The following LARS1 variants were observed in gnomAD, a reference collection of about 807,000 sequenced individuals.
LARS1 encodes leucyl-tRNA synthetase 1.
In LARS1, 100 loss-of-function variants were observed where a neutral mutation model predicts 162.8. The observed-to-expected ratio is 0.61, with a 90% CI of 0.52 to 0.73. LARS1 has a LOEUF of 0.73. LARS1 is among the 30% of genes least tolerant of loss of function. The probability of loss-of-function intolerance (pLI) is 0.00; values close to 1 mark genes in which losing one functional copy is unlikely to be tolerated. For synonymous variants in LARS1, 457 were observed against 462.8 expected (o/e 0.99, Z 0.16); for missense variants, 1,258 against 1,408.9 (o/e 0.89, Z 1.71).
At chr5:146,175,194 G>T (rs1329213027) in intron 2 of LARS1, among the ~76,000 whole-genome samples, 2 of 151,728 alleles carry the variant, frequency 1.3e-5, no homozygotes, top group Non-Finnish European at 2.9e-5. Flanking sequence ...ACTCCAGCCT[G>T]GGTGACAGAG....
intron 5 of LARS1, among the ~76,000 whole-genome samples, chr5:146,167,308 T>C (rs1261965187): frequency 1.3e-5 from 2 of 152,226 alleles, no homozygotes; most frequent in African/African-American, 4.8e-5. Flanking sequence ...ATCATAGTTA[T>C]ATAAGATTTA....
intron 21 of LARS1, among the ~76,000 whole-genome samples, chr5:146,137,196 T>A (rs1752551570): frequency 1.3e-5 from 2 of 152,110 alleles, no homozygotes; most frequent in Admixed American, 1.3e-4. Context: ...CCGCGCCCAG[T>A]CCCCTACAAC....
chr5:146,157,891 G>A, intron 8 of LARS1, 96 bp from the exon 9 acceptor site: 1 of 1,211,502 alleles, frequency 8.3e-7, no homozygotes, highest in South Asian at 1.3e-5. Context: ...TCCCTAAAAT[G>A]GGTTCTTGCA....
chr5:146,157,649 T>A (rs1297486455), intron 9 of LARS1, 21 bp from the exon 10 acceptor site: 7 of 1,612,838 alleles, frequency 4.3e-6, no homozygotes, highest in Admixed American at 1.7e-5. Flanking sequence ...AAAACAAATA[T>A]TGATGTAAAA....
intron 31 of LARS1, among the ~76,000 whole-genome samples, chr5:146,118,646 T>C (rs1751679015): frequency 6.6e-6 from 1 of 152,156 alleles, no homozygotes; most frequent in Non-Finnish European, 1.5e-5. Flanking sequence ...TACATTTATC[T>C]GTCAAAAATA....
intron 13 of LARS1, among the ~76,000 whole-genome samples, chr5:146,152,880 T>A (rs988365083): frequency 6.6e-6 from 1 of 152,220 alleles, no homozygotes; most frequent in African/African-American, 2.4e-5. Flanking sequence ...CAAAATTTTA[T>A]CTTTAGAAGC....
intron 21 of LARS1, among the ~76,000 whole-genome samples, chr5:146,139,287 G>A (rs533243145): frequency 2.0e-5 from 3 of 149,966 alleles, no homozygotes; most frequent in Non-Finnish European, 3.0e-5. Context: ...AGGTTGCAGT[G>A]AGCCAAGATC....
chr5:146,142,416 T>C (rs1268042526), intron 20 of LARS1, among the ~76,000 whole-genome samples: 1 of 152,242 alleles, frequency 6.6e-6, no homozygotes, highest in Non-Finnish European at 1.5e-5. Context: ...CTGAGAGGTT[T>C]GTTTCCTCAG....
At chr5:146,143,706 AAGAC>A (rs1421919408) in intron 18 of LARS1, among the ~76,000 whole-genome samples, 156 bp from the exon 19 acceptor site, 15 of 152,238 alleles carry the variant, frequency 9.9e-5, no homozygotes, top group Admixed American at 9.8e-4. Context: ...TTGTAGATAA[AAGAC>A]AAAATGGGCC....
In LARS1 at chr5:146,142,053, G is replaced by A. The variant is rs56411653; in HGVS notation, c.2090+819C>T. Among the ~76,000 whole-genome samples the A allele has an allele frequency of 8.5e-3, 1,291 of 152,200 alleles. 13 individuals are homozygous for A. Among genetic ancestry groups the A allele is most frequent in the Non-Finnish European group, 0.011 (766 of 68,020 alleles). ...TGCACACCTGTAATCCCAGCTACTCGGGAGGCTGAGGCAGGAGAATCGCTT... is the reference window on the plus strand; with the variant it reads ...TGCACACCTGTAATCCCAGCTACTCAGGAGGCTGAGGCAGGAGAATCGCTT... On this transcript the variant is annotated intron_variant, in intron 20 of 31. Coordinates refer to ENST00000394434, the MANE Select transcript of LARS1 (RefSeq NM_020117.11).
chr5:146,141,210 T>C (rs1397773239), intron 20 of LARS1, among the ~76,000 whole-genome samples: 1 of 152,230 alleles, frequency 6.6e-6, no homozygotes, highest in African/African-American at 2.4e-5. Flanking sequence ...TGCATACTTG[T>C]ACTATCTTCA....
chr5:146,116,080 C>T (rs556277719), intron 31 of LARS1, among the ~76,000 whole-genome samples: 26 of 152,152 alleles, frequency 1.7e-4, no homozygotes, highest in Admixed American at 4.6e-4. Flanking sequence ...AAAAGCAAAC[C>T]CTGTCTAAGA....
chr5:146,127,461 C>T lies in LARS1; in HGVS notation c.2881-916G>A, dbSNP rs567040914. Reference sequence around the variant, plus strand: ...CATACAAAAATCTAAAAGACAGCTGCTAATGCCAAAAGATACCACTGTTTT... The same window carrying T: ...CATACAAAAATCTAAAAGACAGCTGTTAATGCCAAAAGATACCACTGTTTT... On this transcript the variant is annotated intron_variant, in intron 27 of 31. Coordinates refer to ENST00000394434, the MANE Select transcript of LARS1 (RefSeq NM_020117.11). 4.6e-5 allele frequency among the ~76,000 whole-genome samples: 7 copies of T among 152,074 alleles called. No individual in the cohort carries two copies. In the South Asian group the frequency reaches 1.2e-3, roughly 27 times the overall value.
chr5:146,145,065 T>C (rs1239757293), intron 15 of LARS1, among the ~76,000 whole-genome samples: 1 of 152,030 alleles, frequency 6.6e-6, no homozygotes, highest in Non-Finnish European at 1.5e-5. Flanking sequence ...TTTTGGGGTT[T>C]TATGTTTTTT....
intron 27 of LARS1, among the ~76,000 whole-genome samples, chr5:146,127,901 A>G (rs770187782): frequency 6.6e-6 from 1 of 152,148 alleles, no homozygotes; most frequent in Non-Finnish European, 1.5e-5. Context: ...AATGGTCTAG[A>G]ATATCAAAGC....
rs1263271316 is a variant in LARS1, at chr5:146,113,917, G to GA, written c.*188dup. 15 of 553,212 alleles carry GA rather than the reference G, an allele frequency of 2.7e-5. No individual in the cohort carries two copies. Among genetic ancestry groups the GA allele is most frequent in the Non-Finnish European group, 4.1e-5 (13 of 314,914 alleles). The allele number at this position is 553,212 out of a possible 1,614,324, so 34.3% of individuals were successfully genotyped here. On this transcript the variant is annotated 3_prime_UTR_variant, in exon 32 of 32. Transcript: ENST00000394434. The stretch of plus-strand genomic sequence containing the variant: ...TTTCTCTTGGACACCCAAAGAAAGG[G>GA]AAAAAAAATTTATTAGGTCCAGGAA...
chr5:146,118,752 T>C lies in LARS1; in HGVS notation c.3325+1619A>G, dbSNP rs191417281. Among the ~76,000 whole-genome samples the C allele has an allele frequency of 1.3e-3, 196 of 152,294 alleles. 2 individuals carry two copies. The highest frequency in any genetic ancestry group is 4.5e-3 in the African/African-American group (185 of 41,572). ...TATTTAATGGGTATAGGGTTTCAAT[T>C]TGGGATGATGACGAAGTTGTAGAGA... On this transcript the variant is annotated intron_variant, in intron 31 of 31. Coordinates refer to ENST00000394434, the MANE Select transcript of LARS1 (RefSeq NM_020117.11).
chr5:146,121,813 C>A (rs1238552354), intron 30 of LARS1, among the ~76,000 whole-genome samples: 1 of 152,026 alleles, frequency 6.6e-6, no homozygotes, highest in Non-Finnish European at 1.5e-5. Context: ...ATATCACACA[C>A]CAGGGCCTGT....
intron 15 of LARS1, among the ~76,000 whole-genome samples, chr5:146,145,445 T>A (rs1398965256): frequency 6.6e-6 from 1 of 152,110 alleles, no homozygotes; most frequent in African/African-American, 2.4e-5. Flanking sequence ...ATACAAAGAC[T>A]AAACATAGAA....
Sources: allele counts gnomAD v4.1 joint callset (sites outside exome capture counted in the v4.1 genomes callset), GRCh38; gene constraint gnomAD v4.1.1; transcripts MANE v1.5; gene names NCBI Gene and HGNC (gene_info 2026-07-23, HGNC 2026-07-21).